Variants in RIMS1 observed in about 807,000 individuals in gnomAD.
The protein encoded by RIMS1 is regulating synaptic membrane exocytosis 1.
A neutral mutation model predicts 214.1 loss-of-function variants in RIMS1; 83 were observed. The observed-to-expected ratio is 0.39, with a 90% confidence interval of 0.32 to 0.47. The LOEUF is 0.47. Ranked by LOEUF, RIMS1 falls within the 20% of genes least tolerant of loss-of-function variation. RIMS1 has a pLI of 0.99. For missense variants in RIMS1, 2,050 were observed against 2,161.8 expected, an observed-to-expected ratio of 0.95 and a Z score of 1.03; for synonymous variants, 793 against 786.8, an observed-to-expected ratio of 1.01 and a Z score of -0.13.
At chr6:72,025,222 T>C (rs1440813658) in intron 2 of RIMS1, among the ~76,000 whole-genome samples, 3 of 152,146 alleles carry the variant, frequency 2.0e-5, no homozygotes, top group Non-Finnish European at 4.4e-5. Context: ...GTTCCTTTTT[T>C]GCCACGTGCT....
intron 2 of RIMS1, among the ~76,000 whole-genome samples, chr6:72,043,894 A>G (rs184664744): frequency 1.7e-4 from 26 of 151,740 alleles, no homozygotes; most frequent in Admixed American, 1.2e-3. Context: ...AAGTAAAATT[A>G]CCCATGATTA....
intron 28 of RIMS1, among the ~76,000 whole-genome samples, chr6:72,327,055 A>T (rs2096496592): frequency 6.6e-6 from 1 of 151,756 alleles, no homozygotes; most frequent in Non-Finnish European, 1.5e-5. Context: ...AAGCCTCCAG[A>T]TGAAACATAG....
At chr6:72,153,314 G>A (rs1245797509) in intron 4 of RIMS1, among the ~76,000 whole-genome samples, 1 of 151,456 alleles carries the variant, frequency 6.6e-6, no homozygotes, top group Non-Finnish European at 1.5e-5. Context: ...ACTGAATCAG[G>A]AACTTCTAAA....
intron 29 of RIMS1, among the ~76,000 whole-genome samples, chr6:72,364,033 T>C (rs950210639): frequency 6.6e-6 from 1 of 152,226 alleles, no homozygotes; most frequent in African/African-American, 2.4e-5. Context: ...ATGAGGTGTC[T>C]TGAGATGAGT....
At chr6:72,299,632 A>G (rs1471573533) in intron 26 of RIMS1, among the ~76,000 whole-genome samples, 2 of 151,864 alleles carry the variant, frequency 1.3e-5, no homozygotes, top group African/African-American at 2.4e-5. Flanking sequence ...TATGCAAACT[A>G]TATTTTCCAT....
At chr6:72,218,083 G>A (rs191022345) in intron 6 of RIMS1, among the ~76,000 whole-genome samples, 1 of 145,342 alleles carries the variant, frequency 6.9e-6, no homozygotes, top group East Asian at 2.1e-4. Flanking sequence ...CCTAATACAA[G>A]AGGTAAATAC....
Position 72,401,612 on chromosome 6 carries a change from C to T in RIMS1, c.*898C>T, listed in dbSNP as rs2098835783. On this transcript the variant is annotated 3_prime_UTR_variant, in exon 34 of 34. Coordinates refer to ENST00000521978, the MANE Select transcript of RIMS1 (RefSeq NM_014989.7). ...TAACTGCATAATTGTACTTTGAAAACACTCCTTGTAATGCCTTTTTCTTCC... is the reference window on the plus strand; with the variant it reads ...TAACTGCATAATTGTACTTTGAAAATACTCCTTGTAATGCCTTTTTCTTCC... The T allele has an allele frequency of 6.6e-6, 1 of 152,572 alleles. No homozygotes were observed. Among genetic ancestry groups the T allele is most frequent in the Non-Finnish European group, 1.5e-5 (1 of 68,022 alleles). 9.5% of individuals were successfully genotyped at this position (152,572 alleles called of 1,614,324 possible). A position where few individuals can be genotyped will look rare whatever the true frequency, so the allele number is the denominator to read the frequency against.
Position 72,242,573 on chromosome 6 carries a change from G to A in RIMS1, c.2081+136G>A, listed in dbSNP as rs2067418592. The A allele has an allele frequency of 1.1e-5, 6 of 568,952 alleles. No individual in the cohort carries two copies. In the South Asian group the frequency reaches 2.1e-4, roughly 20 times the overall value. The allele number at this position is 568,952 out of a possible 1,614,324, so 35.2% of individuals were successfully genotyped here. A position where few individuals can be genotyped will look rare whatever the true frequency, so the allele number is the denominator to read the frequency against. On this transcript the variant is annotated intron_variant, in intron 10 of 33. Coordinates refer to ENST00000521978, the MANE Select transcript of RIMS1 (RefSeq NM_014989.7). ...CATCAATTATGGGCATACATTTTTAGATTACTAAAAATTTCTTAATTTTTT... is the reference window on the plus strand; with the variant it reads ...CATCAATTATGGGCATACATTTTTAAATTACTAAAAATTTCTTAATTTTTT...
At chr6:72,203,939 T>C (rs958053748) in intron 6 of RIMS1, among the ~76,000 whole-genome samples, 2 of 152,196 alleles carry the variant, frequency 1.3e-5, no homozygotes, top group Non-Finnish European at 2.9e-5. Context: ...TTTGGTATCA[T>C]AAGATGAGCT....
chr6:72,245,639 T>C (rs1042054117), intron 10 of RIMS1, among the ~76,000 whole-genome samples, 176 bp from the exon 11 acceptor site: 14 of 152,152 alleles, frequency 9.2e-5, no homozygotes, highest in African/African-American at 2.9e-4. Flanking sequence ...TTGCAGTTTT[T>C]TTTGTGTGGT....
chr6:72,320,374 G>A (rs1368048853), intron 28 of RIMS1, among the ~76,000 whole-genome samples: 1 of 152,140 alleles, frequency 6.6e-6, no homozygotes, highest in Non-Finnish European at 1.5e-5. Context: ...ACAGAAGTCT[G>A]TGAAGTAGTT....
intron 2 of RIMS1, among the ~76,000 whole-genome samples, chr6:71,983,702 C>T (rs1023722502): frequency 2.6e-5 from 4 of 152,150 alleles, no homozygotes; most frequent in African/African-American, 9.7e-5. Context: ...ATGTGGAGCA[C>T]AGGGACTGAT....
intron 29 of RIMS1, chr6:72,366,588 C>A: frequency 1.6e-6 from 1 of 643,858 alleles, no homozygotes; most frequent in Non-Finnish European, 1.9e-6. Context: ...AGTGATGTTA[C>A]ACTTCATGGT....
intron 2 of RIMS1, among the ~76,000 whole-genome samples, chr6:71,987,663 G>C (rs946158461): frequency 3.9e-5 from 6 of 152,134 alleles, no homozygotes; most frequent in African/African-American, 1.4e-4. Flanking sequence ...TGGTTGATGA[G>C]AGATACACAA....
chr6:72,058,479 G>A (rs1826959752), intron 2 of RIMS1, among the ~76,000 whole-genome samples: 1 of 152,196 alleles, frequency 6.6e-6, no homozygotes, highest in South Asian at 2.1e-4. Context: ...TGCACTGCCT[G>A]CCAGGTTCTC....
chr6:71,908,840 C>G (rs929439536), intron 1 of RIMS1, among the ~76,000 whole-genome samples: 2 of 152,022 alleles, frequency 1.3e-5, no homozygotes, highest in African/African-American at 4.8e-5. Flanking sequence ...AAATTAAGAC[C>G]CAGAGCCAAA....
chr6:71,986,208 T>A (rs1466126671), intron 2 of RIMS1, among the ~76,000 whole-genome samples: 2 of 134,540 alleles, frequency 1.5e-5, no homozygotes, highest in East Asian at 2.3e-4. Context: ...TTTTTTTTTT[T>A]AATGTTTCAC....
At chr6:72,386,731 C>CTTT (rs35080577) in intron 29 of RIMS1, among the ~76,000 whole-genome samples, 19 of 109,872 alleles carry the variant, frequency 1.7e-4, no homozygotes, top group South Asian at 3.2e-4. Flanking sequence ...CACTGTCTTT[C>CTTT]TTTTTTTTTT....
chr6:72,210,232 T>C (rs2053589677), intron 6 of RIMS1, among the ~76,000 whole-genome samples: 1 of 152,228 alleles, frequency 6.6e-6, no homozygotes, highest in South Asian at 2.1e-4. Flanking sequence ...GTATTGATAA[T>C]GCAAGCATTT....
Sources: allele counts gnomAD v4.1 joint callset (sites outside exome capture counted in the v4.1 genomes callset), GRCh38; gene constraint gnomAD v4.1.1; transcripts MANE v1.5; gene names NCBI Gene and HGNC (gene_info 2026-07-23, HGNC 2026-07-21).